MCC: variants seen among roughly 807,000 people sequenced by gnomAD.
The protein encoded by MCC is colorectal mutant cancer protein.
In MCC, 90 loss-of-function variants were observed where a neutral mutation model predicts 116.2. That is an observed-to-expected ratio of 0.77 (90% confidence interval 0.65 to 0.92). The LOEUF (loss-of-function observed/expected upper bound fraction) is 0.92, where lower values mean the gene tolerates loss of function less well. MCC is among the 40% of genes least tolerant of loss of function. MCC has a pLI of 0.00. For synonymous variants in MCC, 578 were observed against 510.5 expected, an observed-to-expected ratio of 1.13 and a Z score of -1.78; for missense variants, 1,516 against 1,312.2, an observed-to-expected ratio of 1.16 and a Z score of -2.40.
chr5:113,441,188 A>T (rs1771028307), intron 1 of MCC, among the ~76,000 whole-genome samples: 1 of 152,122 alleles, frequency 6.6e-6, no homozygotes. Flanking sequence ...TACAAAAATT[A>T]GCCAGGTTTG....
chr5:113,410,205 G>T (rs145264548), intron 1 of MCC, among the ~76,000 whole-genome samples: 3 of 152,146 alleles, frequency 2.0e-5, no homozygotes, highest in Non-Finnish European at 4.4e-5. Flanking sequence ...ATGGTTCTGC[G>T]TATGGATATG....
chr5:113,377,451 G>A (rs1267153476), intron 2 of MCC, among the ~76,000 whole-genome samples: 1 of 152,114 alleles, frequency 6.6e-6, no homozygotes, highest in African/African-American at 2.4e-5. Context: ...AGTCAATTAA[G>A]TAGATAAAAG....
chr5:113,062,035 G>T (rs1389662607), intron 14 of MCC, among the ~76,000 whole-genome samples: 2 of 152,166 alleles, frequency 1.3e-5, no homozygotes, highest in Non-Finnish European at 2.9e-5. Context: ...AGTGACAAAT[G>T]AATGCCTCGT....
Position 113,434,298 on chromosome 5 carries a change from T to C in MCC, c.171-49086A>G, listed in dbSNP as rs757364627. ...GCCCTGCAGCACCTCTGGGGCCGCA[T>C]ACGCTGGTGACCCACAGAAGGTCTT... On this transcript the variant is annotated intron_variant, in intron 1 of 18. Coordinates refer to ENST00000408903, the MANE Select transcript of MCC (RefSeq NM_001085377.2). The surrounding 1 kb of genome is among the most constrained non-coding windows in gnomAD (Gnocchi z 4.2). 3 of 1,614,120 alleles carry C rather than the reference T, an allele frequency of 1.9e-6. No individual in the cohort carries two copies. The highest frequency in any genetic ancestry group is 4.5e-5 in the East Asian group (2 of 44,878).
At chr5:113,454,993 C>A (rs890417189) in intron 1 of MCC, among the ~76,000 whole-genome samples, 1 of 152,152 alleles carries the variant, frequency 6.6e-6, no homozygotes, top group Non-Finnish European at 1.5e-5. Context: ...CTATCTGACC[C>A]CAGGCTCCAG....
chr5:113,110,311 G>A (rs780362493), intron 6 of MCC, among the ~76,000 whole-genome samples: 1 of 152,206 alleles, frequency 6.6e-6, no homozygotes, highest in African/African-American at 2.4e-5. Flanking sequence ...AGCAAACGGA[G>A]GCTGACACAG....
intron 3 of MCC, among the ~76,000 whole-genome samples, chr5:113,268,386 G>C (rs1477537045): frequency 6.6e-6 from 1 of 152,132 alleles, no homozygotes; most frequent in Non-Finnish European, 1.5e-5. Flanking sequence ...CCTTTCTTCT[G>C]CTTACAGAAA....
chr5:113,088,386 C>A (rs145204854), intron 8 of MCC, among the ~76,000 whole-genome samples: 1 of 151,722 alleles, frequency 6.6e-6, no homozygotes, highest in East Asian at 1.9e-4. Flanking sequence ...TTTATTCTCA[C>A]CCATTGTAGT....
chr5:113,060,115 T>C (rs1179936097), intron 14 of MCC, among the ~76,000 whole-genome samples: 1 of 152,208 alleles, frequency 6.6e-6, no homozygotes, highest in Non-Finnish European at 1.5e-5. Flanking sequence ...TGGCCCTAGC[T>C]GAGATCTCAT....
chr5:113,262,377 T>C (rs1765249896), intron 3 of MCC, among the ~76,000 whole-genome samples: 1 of 152,184 alleles, frequency 6.6e-6, no homozygotes, highest in Admixed American at 6.5e-5. Flanking sequence ...TTACCATTTT[T>C]CTGGTCTAAT....
At chr5:113,259,790 TCA>T (rs1440714817) in intron 3 of MCC, among the ~76,000 whole-genome samples, 1 of 152,094 alleles carries the variant, frequency 6.6e-6, no homozygotes, top group Admixed American at 6.6e-5. Context: ...ATCTGATTTA[TCA>T]CACACACAAA....
chr5:113,114,063 G>T (rs1010536467), intron 6 of MCC, among the ~76,000 whole-genome samples: 1 of 149,654 alleles, frequency 6.7e-6, no homozygotes, highest in Non-Finnish European at 1.5e-5. Context: ...AAGCATCATG[G>T]CATCTGCAAC....
intron 3 of MCC, chr5:113,294,439 T>C: frequency 1.2e-6 from 2 of 1,612,232 alleles, no homozygotes; most frequent in South Asian, 2.2e-5. Context: ...AGCTTAAGAG[T>C]TGGACTTCAC....
intron 1 of MCC, among the ~76,000 whole-genome samples, chr5:113,414,624 C>T (rs924434100): frequency 1.3e-5 from 2 of 151,928 alleles, no homozygotes; most frequent in African/African-American, 2.4e-5. Flanking sequence ...CTTGGTAGAT[C>T]TTCCTCCATC....
chr5:113,379,115 A>C (rs1048885855), intron 2 of MCC, among the ~76,000 whole-genome samples: 1 of 152,218 alleles, frequency 6.6e-6, no homozygotes, highest in African/African-American at 2.4e-5. Context: ...CCTGAGGACC[A>C]TATGTCTGTC....
In MCC at chr5:113,175,921, C is replaced by T. The variant is rs1761310126; in HGVS notation, c.628-24499G>A. On this transcript the variant is annotated intron_variant, in intron 3 of 18. Transcript: ENST00000408903. ...AAAAAAAAAGTTTGAAAACTACTGC[C>T]TTAAATATTCCCTTCTTTTCTGCAT... Among the ~76,000 whole-genome samples the T allele has an allele frequency of 2.0e-5, 3 of 152,126 alleles. No individual in the cohort carries two copies. In the South Asian group the frequency reaches 6.2e-4, roughly 32 times the overall value.
At chr5:113,190,998 T>C (rs1305661024) in intron 3 of MCC, among the ~76,000 whole-genome samples, 3 of 152,210 alleles carry the variant, frequency 2.0e-5, no homozygotes, top group African/African-American at 7.2e-5. Flanking sequence ...ATGACCCTGA[T>C]AGCTGGATCT....
chr5:113,424,182 CACAT>C (rs1770422417), intron 1 of MCC, among the ~76,000 whole-genome samples: 2 of 149,058 alleles, frequency 1.3e-5, no homozygotes, highest in African/African-American at 2.5e-5. Flanking sequence ...CACACACACA[CACAT>C]TCTAATCAGC....
intron 3 of MCC, among the ~76,000 whole-genome samples, chr5:113,295,810 C>G (rs1415756654): frequency 6.6e-6 from 1 of 152,152 alleles, no homozygotes; most frequent in Non-Finnish European, 1.5e-5. Flanking sequence ...TGTTCTGATG[C>G]TTCAAAACAG....
Sources: allele counts gnomAD v4.1 joint callset (sites outside exome capture counted in the v4.1 genomes callset), GRCh38; gene constraint gnomAD v4.1.1; non-coding constraint Gnocchi (gnomAD v3.1); transcripts MANE v1.5; gene names NCBI Gene and HGNC (gene_info 2026-07-23, HGNC 2026-07-21).